Variants in KCNN2 observed in about 807,000 individuals in gnomAD.
KCNN2 encodes small conductance calcium-activated potassium channel protein 2.
In KCNN2, 24 loss-of-function variants were observed where a neutral mutation model predicts 55.5. That is an observed-to-expected ratio of 0.43 (90% CI 0.31 to 0.61). KCNN2 has a LOEUF of 0.61. KCNN2 is among the 20% of genes least tolerant of loss of function. KCNN2 has a pLI of 0.08. For missense variants in KCNN2, 754 were observed against 853.6 expected (o/e 0.88, Z 1.45); for synonymous variants, 431 against 336.1 (o/e 1.28, Z -3.09).
chr5:114,116,861 C>T (rs1751717854), intron 1 of KCNN2, among the ~76,000 whole-genome samples: 1 of 152,004 alleles, frequency 6.6e-6, no homozygotes, highest in African/African-American at 2.4e-5. Flanking sequence ...AGGATATGTC[C>T]TTATCTTTTG....
intron 5 of KCNN2, among the ~76,000 whole-genome samples, chr5:114,474,867 A>T (rs1372626701): frequency 6.6e-6 from 1 of 152,076 alleles, no homozygotes; most frequent in African/African-American, 2.4e-5. Flanking sequence ...CATGTCGCCC[A>T]TATGTTTGCC....
intron 1 of KCNN2, among the ~76,000 whole-genome samples, chr5:114,111,410 C>G (rs1265831572): frequency 6.6e-6 from 1 of 152,150 alleles, no homozygotes. Flanking sequence ...CCATTCAGGA[C>G]ACAGGCATGG....
chr5:114,060,694 T>C (rs894012825), intron 1 of KCNN2, among the ~76,000 whole-genome samples: 2 of 152,242 alleles, frequency 1.3e-5, no homozygotes, highest in Non-Finnish European at 2.9e-5. Context: ...AGAGACTATT[T>C]ATTTATCTGT....
intron 3 of KCNN2, among the ~76,000 whole-genome samples, chr5:114,423,116 C>G (rs1463010514): frequency 6.6e-6 from 1 of 152,152 alleles, no homozygotes; most frequent in African/African-American, 2.4e-5. Context: ...GAGTACTATA[C>G]CACTGATTCA....
At chr5:114,103,608 T>A (rs1751418803) in intron 1 of KCNN2, among the ~76,000 whole-genome samples, 1 of 152,186 alleles carries the variant, frequency 6.6e-6, no homozygotes. Flanking sequence ...TATCAATGCC[T>A]AGTTTATTGA....
At chr5:114,465,466 GC>G (rs995011040) in intron 4 of KCNN2, among the ~76,000 whole-genome samples, 1 of 152,076 alleles carries the variant, frequency 6.6e-6, no homozygotes, top group African/African-American at 2.4e-5. Flanking sequence ...TACAGAATTA[GC>G]CAGGTGTGGT....
At chr5:114,333,023 C>T (rs939335195) in intron 2 of KCNN2, among the ~76,000 whole-genome samples, 2 of 152,104 alleles carry the variant, frequency 1.3e-5, no homozygotes, top group African/African-American at 4.8e-5. Context: ...GCCTTGTTAA[C>T]CTTAGTAGAT....
At chr5:114,094,173 A>G (rs1751208521) in intron 1 of KCNN2, among the ~76,000 whole-genome samples, 1 of 151,980 alleles carries the variant, frequency 6.6e-6, no homozygotes, top group South Asian at 2.1e-4. Context: ...TGACTGTGTA[A>G]CTTTCCTGCT....
chr5:114,215,513 GC>G (rs2112586507), intron 1 of KCNN2, among the ~76,000 whole-genome samples: 1 of 152,214 alleles, frequency 6.6e-6, no homozygotes, highest in South Asian at 2.1e-4. Flanking sequence ...TTGACTCCAG[GC>G]TTTGAAAAAC....
At chr5:114,134,466 T>G (rs200272913) in intron 1 of KCNN2, among the ~76,000 whole-genome samples, 12,420 of 61,760 alleles carry the variant, frequency 0.2, 599 homozygotes, top group Non-Finnish European at 0.27. Flanking sequence ...ATGATTTATT[T>G]ATTTATTTAT....
At chr5:114,276,672 T>TTTTC (rs1439942559) in intron 2 of KCNN2, among the ~76,000 whole-genome samples, 1 of 149,180 alleles carries the variant, frequency 6.7e-6, no homozygotes, top group South Asian at 2.1e-4. Context: ...TTTTTTTTTT[T>TTTTC]GCTTTCCATT....
At chr5:114,141,405 G>C (rs538590428) in intron 1 of KCNN2, among the ~76,000 whole-genome samples, 1 of 152,062 alleles carries the variant, frequency 6.6e-6, no homozygotes, top group East Asian at 1.9e-4. Flanking sequence ...CCTTGTGATA[G>C]TTTGCTGAGA....
chr5:114,304,941 A>G (rs145052479), intron 2 of KCNN2, among the ~76,000 whole-genome samples: 378 of 152,326 alleles, frequency 2.5e-3, no homozygotes, highest in Non-Finnish European at 3.9e-3. Context: ...TCTGCCTGCC[A>G]TTTGACCACT....
chr5:114,087,583 C>A (rs547228033), intron 1 of KCNN2, among the ~76,000 whole-genome samples: 57 of 152,140 alleles, frequency 3.7e-4, no homozygotes, highest in South Asian at 1.2e-3. Context: ...GATCAGATGG[C>A]TGTAGGTGTC....
At chr5:114,297,714 A>G (rs1228001926) in intron 2 of KCNN2, among the ~76,000 whole-genome samples, 1 of 152,202 alleles carries the variant, frequency 6.6e-6, no homozygotes, top group Non-Finnish European at 1.5e-5. Context: ...AGTATTTCAT[A>G]ATAGAGGTCT....
At chr5:114,299,109 T>G (rs1297552265) in intron 2 of KCNN2, among the ~76,000 whole-genome samples, 1 of 145,682 alleles carries the variant, frequency 6.9e-6, no homozygotes, top group Non-Finnish European at 1.5e-5. Flanking sequence ...CTCCTTTTCT[T>G]TCTTCCTTCC....
At chr5:114,258,777 C>T (rs1244814647) in intron 2 of KCNN2, among the ~76,000 whole-genome samples, 2 of 152,188 alleles carry the variant, frequency 1.3e-5, no homozygotes, top group African/African-American at 2.4e-5. Context: ...GTAAAAGACA[C>T]AGTTGCCTCA....
At position 114,130,649 on chromosome 5, in the gene KCNN2, G is replaced by T. The variant is rs568918069; in HGVS notation, c.-271+74149G>T. Among the ~76,000 whole-genome samples the T allele has an allele frequency of 4.1e-4, 63 of 152,210 alleles. No individual in the cohort carries two copies. In the South Asian group the frequency reaches 0.013, roughly 31 times the overall value. ...CTGTTTTTGTGCCTATAGTCCATCT[G>T]GATCTTTTTATCTAGCTCTGTCTCT... On this transcript the variant is annotated intron_variant, in intron 1 of 10. Coordinates refer to the KCNN2 transcript ENST00000512097.
At chr5:114,124,133 GTTGT>G (rs1233276432) in intron 1 of KCNN2, among the ~76,000 whole-genome samples, 5 of 152,164 alleles carry the variant, frequency 3.3e-5, no homozygotes, top group African/African-American at 1.2e-4. Flanking sequence ...GATCAGCCAA[GTTGT>G]TTGTCATCAT....
Sources: allele counts gnomAD v4.1 joint callset (sites outside exome capture counted in the v4.1 genomes callset), GRCh38; gene constraint gnomAD v4.1.1; transcripts MANE v1.5; gene names NCBI Gene and HGNC (gene_info 2026-07-23, HGNC 2026-07-21).